The following PACRG variants were observed in gnomAD, a reference collection of about 807,000 sequenced individuals.
PACRG encodes the protein parkin coregulated gene protein.
In PACRG, 29 loss-of-function variants were observed where a neutral mutation model predicts 29.7. That is an observed-to-expected ratio of 0.98 (90% CI 0.73 to 1.33). The LOEUF (loss-of-function observed/expected upper bound fraction) is 1.33. PACRG is among the 40% of genes most tolerant of loss of function. The pLI, the probability that PACRG is intolerant of heterozygous loss-of-function variation, is 0.00. For missense variants in PACRG, 279 were observed against 316.2 expected, an observed-to-expected ratio of 0.88 and a Z score of 0.89; for synonymous variants, 116 against 118.7, an observed-to-expected ratio of 0.98 and a Z score of 0.15.
chr6:163,011,463 C>A (rs1381417339), intron 2 of PACRG, among the ~76,000 whole-genome samples: 1 of 152,134 alleles, frequency 6.6e-6, no homozygotes, highest in Non-Finnish European at 1.5e-5. Context: ...AATGGTACAC[C>A]TATATAGGGC....
chr6:162,959,926 C>A (rs185825627), intron 2 of PACRG, among the ~76,000 whole-genome samples: 1 of 152,154 alleles, frequency 6.6e-6, no homozygotes, highest in Non-Finnish European at 1.5e-5. Flanking sequence ...AACAAATAAC[C>A]CCATTAAAAA....
intron 4 of PACRG, among the ~76,000 whole-genome samples, chr6:163,139,550 T>C (rs1817071830): frequency 6.6e-6 from 1 of 152,070 alleles, no homozygotes; most frequent in Admixed American, 6.5e-5. Context: ...GAGGAGACAG[T>C]TGACATAAAG....
In PACRG at chr6:162,928,222, C is replaced by CTCT. The variant is rs1421112012; in HGVS notation, c.291+113946_291+113948dup. Among the ~76,000 whole-genome samples, 4 of 151,920 alleles carry CTCT rather than the reference C, an allele frequency of 2.6e-5. No homozygotes were observed. The East Asian group carries it at 7.7e-4, about 29-fold the overall frequency. On this transcript the variant is annotated intron_variant, in intron 2 of 4. Transcript: ENST00000366888. The stretch of plus-strand genomic sequence containing the variant: ...TCATTGGTCTGTTAAGGTTTTCTAG[C>CTCT]TCTTCTTGGCTCAATTTTGGTAGGT...
At chr6:162,771,637 G>A (rs1407367131) in intron 1 of PACRG, among the ~76,000 whole-genome samples, 3 of 151,858 alleles carry the variant, frequency 2.0e-5, no homozygotes, top group African/African-American at 7.3e-5. Flanking sequence ...CAATATCAAA[G>A]TATACTGTCA....
chr6:163,301,356 T>A (rs1168381019), intron 4 of PACRG, among the ~76,000 whole-genome samples: 2 of 152,240 alleles, frequency 1.3e-5, no homozygotes, highest in Non-Finnish European at 2.9e-5. Context: ...CATATTGAAC[T>A]ATATCTGAAG....
intron 2 of PACRG, among the ~76,000 whole-genome samples, chr6:163,050,873 C>T (rs2128247371): frequency 6.6e-6 from 1 of 152,138 alleles, no homozygotes; most frequent in East Asian, 1.9e-4. Context: ...CTGCATTTTC[C>T]CTCTGAATAT....
At chr6:162,900,577 C>T (rs1795490001) in intron 2 of PACRG, among the ~76,000 whole-genome samples, 1 of 152,196 alleles carries the variant, frequency 6.6e-6, no homozygotes, top group African/African-American at 2.4e-5. Flanking sequence ...ATCTCTTTCT[C>T]TGCATTTCCT....
At chr6:163,263,221 C>A (rs539458782) in intron 4 of PACRG, among the ~76,000 whole-genome samples, 9 of 151,222 alleles carry the variant, frequency 6.0e-5, no homozygotes, top group Non-Finnish European at 7.4e-5. Flanking sequence ...GGCTGAGAAC[C>A]CTTCCCTTCC....
chr6:163,246,071 A>G (rs1256499888), intron 4 of PACRG, among the ~76,000 whole-genome samples: 2 of 152,152 alleles, frequency 1.3e-5, no homozygotes, highest in Admixed American at 6.5e-5. Flanking sequence ...TCGTCCACTC[A>G]GTAGCCAGAA....
At chr6:163,004,166 T>C (rs1804825444) in intron 2 of PACRG, among the ~76,000 whole-genome samples, 2 of 151,576 alleles carry the variant, frequency 1.3e-5, no homozygotes, top group Admixed American at 1.3e-4. Flanking sequence ...AGAGCTTTCA[T>C]TGCATAGTTT....
At chr6:162,966,353 C>T (rs1396163494) in intron 2 of PACRG, among the ~76,000 whole-genome samples, 1 of 152,166 alleles carries the variant, frequency 6.6e-6, no homozygotes, top group Non-Finnish European at 1.5e-5. Flanking sequence ...TGCGTGATGT[C>T]ATCATCCCCA....
intron 4 of PACRG, among the ~76,000 whole-genome samples, chr6:163,267,868 CT>C (rs1267685628): frequency 2.0e-5 from 3 of 152,156 alleles, no homozygotes; most frequent in Non-Finnish European, 4.4e-5. Flanking sequence ...GTTTCTCATG[CT>C]TTTCAGCACT....
chr6:162,733,758 G>A (rs549686299), intron 1 of PACRG, among the ~76,000 whole-genome samples: 2 of 152,208 alleles, frequency 1.3e-5, no homozygotes, highest in East Asian at 3.9e-4. Context: ...ATTTTACCCT[G>A]TGTGTCCTCA....
At chr6:162,875,304 CAG>C in intron 2 of PACRG, among the ~76,000 whole-genome samples, 1 of 151,834 alleles carries the variant, frequency 6.6e-6, no homozygotes, top group Admixed American at 6.6e-5. Context: ...CATGCACACA[CAG>C]ACATGCACAG....
At position 163,302,996 on chromosome 6, in the gene PACRG, G is replaced by A. The variant is rs143662344; in HGVS notation, c.614-11831G>A. On this transcript the variant is annotated intron_variant, in intron 4 of 4. Transcript: ENST00000366888. ...TCTGAGTTCATCATTTTAGAAATGC[G>A]TTTCCCCATAGTTTAATGTGTTTGC... 5.1e-3 allele frequency among the ~76,000 whole-genome samples: 781 copies of A among 152,194 alleles called. 4 individuals are homozygous for A. The highest frequency in any genetic ancestry group is 0.017 in the African/African-American group (712 of 41,524).
intron 3 of PACRG, among the ~76,000 whole-genome samples, chr6:163,087,689 A>G (rs1232905650): frequency 1.3e-4 from 17 of 133,486 alleles, no homozygotes; most frequent in South Asian, 2.5e-4. Flanking sequence ...CAGGACCAGA[A>G]GAGAGGAGGT....
Position 162,832,099 on chromosome 6 carries a change from G to A in PACRG, c.291+17818G>A, listed in dbSNP as rs147742493. ...AATCACCACACTGTCTTCCACAATGGTTGAACTAAATTACATTCCCATAAA... is the reference window on the plus strand; with the variant it reads ...AATCACCACACTGTCTTCCACAATGATTGAACTAAATTACATTCCCATAAA... On this transcript the variant is annotated intron_variant, in intron 2 of 4. Coordinates refer to ENST00000366888, the MANE Select transcript of PACRG (RefSeq NM_001080379.2). Among the ~76,000 whole-genome samples, 6 of 152,304 alleles carry A rather than the reference G, an allele frequency of 3.9e-5. No individual in the cohort carries two copies. The East Asian group carries it at 1.2e-3, about 29-fold the overall frequency.
chr6:162,953,568 G>A (rs1040187319), intron 2 of PACRG, among the ~76,000 whole-genome samples: 3 of 152,098 alleles, frequency 2.0e-5, no homozygotes, highest in Non-Finnish European at 4.4e-5. Context: ...ATGACCTTGA[G>A]ATTATTCTCT....
intron 4 of PACRG, among the ~76,000 whole-genome samples, chr6:163,135,997 T>C (rs1585254926): frequency 6.6e-6 from 1 of 152,378 alleles, no homozygotes; most frequent in African/African-American, 2.4e-5. Flanking sequence ...CAATTTGTGG[T>C]ATTTTATTCA....
Sources: allele counts gnomAD v4.1 joint callset (sites outside exome capture counted in the v4.1 genomes callset), GRCh38; gene constraint gnomAD v4.1.1; transcripts MANE v1.5; gene names NCBI Gene and HGNC (gene_info 2026-07-23, HGNC 2026-07-21).